BACH1: variants seen among roughly 807,000 people sequenced by gnomAD.
BACH1 encodes the protein BTB domain and CNC homolog 1, also known as transcription regulator protein BACH1.
BACH1 carries 35 observed loss-of-function variants against 52.9 expected under a neutral mutation model. That is an observed-to-expected ratio of 0.66 (90% confidence interval 0.51 to 0.88). The LOEUF (loss-of-function observed/expected upper bound fraction) is 0.88. Ranked by LOEUF, BACH1 falls within the 40% of genes least tolerant of loss-of-function variation. The pLI is 0.00. For synonymous variants in BACH1, 321 were observed against 319.6 expected (o/e 1.00, Z -0.05); for missense variants, 808 against 872.6 (o/e 0.93, Z 0.93).
intron 1 of BACH1, among the ~76,000 whole-genome samples, chr21:29,309,808 C>G (rs967966247): frequency 1.3e-5 from 2 of 152,160 alleles, no homozygotes; most frequent in African/African-American, 4.8e-5. Context: ...CTTAAAATAA[C>G]CTAAAACTTG....
chr21:29,327,373 G>T lies in BACH1; in HGVS notation c.1549G>T (p.Ala517Ser). The change falls in exon 3 of 5, where the codon GCC (alanine) becomes TCC (serine). Residue 517 changes from alanine (A) to serine (S), a missense_variant. Transcript: ENST00000286800. ...DTEGDSESCS[A>S]REQECEVKLP... is the part of the protein sequence containing the mutation. ...CGAAGGAGACAGTGAATCCTGTTCAGCCAGAGAACAAGAATGTGAGGTGAG... is the reference window on the plus strand; with the variant it reads ...CGAAGGAGACAGTGAATCCTGTTCATCCAGAGAACAAGAATGTGAGGTGAG... 1 of 1,613,330 alleles carries T rather than the reference G, an allele frequency of 6.2e-7. No homozygotes were observed. The highest frequency in any genetic ancestry group is 8.5e-7 in the Non-Finnish European group (1 of 1,179,580).
chr21:29,347,973 A>C (rs1446859108), downstream of BACH1, among the ~76,000 whole-genome samples: 1 of 152,234 alleles, frequency 6.6e-6, no homozygotes, highest in Non-Finnish European at 1.5e-5. Flanking sequence ...TTATTATTCA[A>C]CTTTTAGAGA....
At chr21:29,348,579 C>T (rs368504181), downstream of BACH1, among the ~76,000 whole-genome samples, 74 of 152,266 alleles carry the variant, frequency 4.9e-4, 1 homozygote, top group African/African-American at 1.4e-3. Flanking sequence ...TAATTTTGGC[C>T]GTATACACTG....
intron 1 of BACH1, among the ~76,000 whole-genome samples, chr21:29,301,300 C>G (rs775688268): frequency 6.6e-6 from 1 of 152,156 alleles, no homozygotes; most frequent in African/African-American, 2.4e-5. Flanking sequence ...CTTAAAGATG[C>G]AGACTAACAA....
At chr21:29,341,683 C>G (rs1380866766) in intron 4 of BACH1, among the ~76,000 whole-genome samples, 1 of 152,194 alleles carries the variant, frequency 6.6e-6, no homozygotes, top group Non-Finnish European at 1.5e-5. Context: ...ACTTTAGTAA[C>G]TCACCCACCG....
intron 2 of BACH1, among the ~76,000 whole-genome samples, chr21:29,355,623 C>T (rs1321825386): frequency 2.6e-5 from 4 of 152,206 alleles, no homozygotes; most frequent in African/African-American, 9.6e-5. Flanking sequence ...CGGGTCGGTC[C>T]AGGGGTCCTC....
At chr21:29,315,882 G>C (rs1328724461) in intron 1 of BACH1, among the ~76,000 whole-genome samples, 1 of 151,652 alleles carries the variant, frequency 6.6e-6, no homozygotes, top group Admixed American at 6.6e-5. Context: ...TTTTATTTGT[G>C]TTTTCTTGGC....
chr21:29,301,522 T>C (rs1036898753), intron 1 of BACH1, among the ~76,000 whole-genome samples: 14 of 152,356 alleles, frequency 9.2e-5, no homozygotes, highest in African/African-American at 3.1e-4. Flanking sequence ...TATGTTTTAC[T>C]TTAGAAGCTT....
chr21:29,336,476 T>A (rs1361931891), intron 4 of BACH1, among the ~76,000 whole-genome samples: 1 of 151,224 alleles, frequency 6.6e-6, no homozygotes, highest in Non-Finnish European at 1.5e-5. Flanking sequence ...TTATCTATGA[T>A]GTGTTACTTG....
At chr21:29,346,741 G>A (rs555368592), downstream of BACH1, among the ~76,000 whole-genome samples, 103 of 152,316 alleles carry the variant, frequency 6.8e-4, no homozygotes, top group South Asian at 8.7e-3. Flanking sequence ...GAATCAAGAT[G>A]ACTTGTAAGA....
At chr21:29,302,642 G>A (rs1844819745) in intron 1 of BACH1, among the ~76,000 whole-genome samples, 1 of 152,224 alleles carries the variant, frequency 6.6e-6, no homozygotes, top group African/African-American at 2.4e-5. Context: ...TTAATACGGG[G>A]TAAGTGGTTA....
intron 1 of BACH1, among the ~76,000 whole-genome samples, chr21:29,300,356 G>T (rs1216522298): frequency 1.3e-5 from 2 of 152,176 alleles, no homozygotes; most frequent in Non-Finnish European, 2.9e-5. Context: ...ATTAGAAACA[G>T]CTGGTGCAAA....
chr21:29,303,327 T>G (rs529342819), intron 1 of BACH1, among the ~76,000 whole-genome samples: 1 of 152,352 alleles, frequency 6.6e-6, no homozygotes, highest in East Asian at 1.9e-4. Flanking sequence ...AGCCAGATTG[T>G]AAGTTTCCTG....
At chr21:29,320,216 T>A (rs1230761605) in intron 1 of BACH1, among the ~76,000 whole-genome samples, 1 of 152,202 alleles carries the variant, frequency 6.6e-6, no homozygotes, top group South Asian at 2.1e-4. Flanking sequence ...GACGCAGGGA[T>A]GATACCGTGA....
chr21:29,321,777 C>T (rs953955223), intron 2 of BACH1, among the ~76,000 whole-genome samples: 5 of 151,634 alleles, frequency 3.3e-5, no homozygotes, highest in South Asian at 2.1e-4. Context: ...AATCAGGACA[C>T]GCCCAGTGGA....
chr21:29,327,501 G>A, intron 3 of BACH1, 108 bp downstream of exon 3: 3 of 1,425,744 alleles, frequency 2.1e-6, no homozygotes, highest in South Asian at 2.8e-5. Context: ...TTCAGGGAGT[G>A]GGGAGGAAAC....
At chr21:29,302,389 G>A (rs1029411566) in intron 1 of BACH1, among the ~76,000 whole-genome samples, 1 of 152,194 alleles carries the variant, frequency 6.6e-6, no homozygotes, top group African/African-American at 2.4e-5. Flanking sequence ...CTTACACAGT[G>A]CACTAACATA....
At chr21:29,319,003 C>T (rs553016034) in intron 1 of BACH1, among the ~76,000 whole-genome samples, 1 of 152,240 alleles carries the variant, frequency 6.6e-6, no homozygotes, top group East Asian at 1.9e-4. Flanking sequence ...GGTGGCAATT[C>T]TCCATCTTTG....
At chr21:29,355,333 T>G (rs143191578) in intron 2 of BACH1, among the ~76,000 whole-genome samples, 2 of 151,918 alleles carry the variant, frequency 1.3e-5, no homozygotes, top group Non-Finnish European at 1.5e-5. Flanking sequence ...TTTTACAGAG[T>G]GCTGATTGGT....
Sources: gnomAD v4.1 joint callset for allele counts (sites outside exome capture counted in the v4.1 genomes callset) on GRCh38, gnomAD v4.1.1 for gene constraint, MANE v1.5 for transcripts, NCBI Gene and HGNC (gene_info 2026-07-23, HGNC 2026-07-21) for gene names.